Variants in RFX3 observed in about 807,000 individuals in gnomAD.
RFX3 encodes transcription factor RFX3.
A neutral mutation model predicts 98.6 loss-of-function variants in RFX3; 14 were observed. That is an observed-to-expected ratio of 0.14 (90% CI 0.09 to 0.22). The LOEUF is 0.22. Ranked by LOEUF, RFX3 falls within the 10% of genes least tolerant of loss-of-function variation. The pLI is 1.00. For missense variants in RFX3, 639 were observed against 926.9 expected (o/e 0.69, Z 4.03); for synonymous variants, 383 against 328.4 (o/e 1.17, Z -1.80).
rs1825270145 is a variant in RFX3 at position 3,276,686 on chromosome 9, TAC to T, written c.973+652_973+653del. Among the ~76,000 whole-genome samples the T allele has an allele frequency of 2.0e-5, 3 of 151,924 alleles. 1 individual carries two copies. The South Asian group carries it at 6.2e-4, about 31-fold the overall frequency. On this transcript the variant is annotated intron_variant, in intron 8 of 16. Transcript: ENST00000617270. ...ACACATATACACACACACAGACACA[TAC>T]ACACAGTCACTCTCTGATACCTTCT...
At chr9:3,329,523 A>G (rs1036207658) in intron 4 of RFX3, among the ~76,000 whole-genome samples, 1 of 151,838 alleles carries the variant, frequency 6.6e-6, no homozygotes, top group African/African-American at 2.4e-5. Flanking sequence ...GCTCATATCT[A>G]TGATCAGAGC....
At chr9:3,335,332 A>G (rs1833042967) in intron 3 of RFX3, among the ~76,000 whole-genome samples, 1 of 152,184 alleles carries the variant, frequency 6.6e-6, no homozygotes, top group East Asian at 1.9e-4. Context: ...AGAAGCACCA[A>G]CGGCAAAAAT....
chr9:3,491,388 T>C (rs1850705846), intron 1 of RFX3, among the ~76,000 whole-genome samples: 1 of 152,180 alleles, frequency 6.6e-6, no homozygotes, highest in Non-Finnish European at 1.5e-5. Flanking sequence ...CTTACTTTAC[T>C]CTCAGTATAT....
intron 1 of RFX3, among the ~76,000 whole-genome samples, chr9:3,513,842 C>A (rs1489985017): frequency 6.6e-6 from 1 of 152,170 alleles, no homozygotes; most frequent in East Asian, 1.9e-4. Flanking sequence ...CACCTTACTT[C>A]CAAGACATAT....
chr9:3,257,279 A>C, intron 13 of RFX3, 80 bp from the exon 14 acceptor site: 1 of 1,114,858 alleles, frequency 9.0e-7, no homozygotes, highest in South Asian at 1.4e-5. Flanking sequence ...CACTAGATGC[A>C]AGAACAGAAA....
At chr9:3,388,075 A>T (rs1839912054) in intron 2 of RFX3, among the ~76,000 whole-genome samples, 1 of 152,134 alleles carries the variant, frequency 6.6e-6, no homozygotes, top group African/African-American at 2.4e-5. Flanking sequence ...ATGACAATAA[A>T]CTTTATCATC....
At chr9:3,323,131 A>G (rs961037589) in intron 4 of RFX3, among the ~76,000 whole-genome samples, 6 of 152,230 alleles carry the variant, frequency 3.9e-5, no homozygotes, top group African/African-American at 1.4e-4. Context: ...GTGGCAAATA[A>G]AGACAACAAC....
chr9:3,279,555 A>C (rs1318110555), intron 7 of RFX3, among the ~76,000 whole-genome samples: 5 of 151,854 alleles, frequency 3.3e-5, no homozygotes, highest in Admixed American at 2.6e-4. Context: ...AGCATTTAAC[A>C]TACTACAGGT....
chr9:3,454,494 A>C (rs1467939608), intron 1 of RFX3, among the ~76,000 whole-genome samples: 4 of 152,200 alleles, frequency 2.6e-5, no homozygotes, highest in Non-Finnish European at 5.9e-5. Context: ...AACTCACTTA[A>C]AATCACATCA....
chr9:3,469,353 C>T (rs548759835), intron 1 of RFX3, among the ~76,000 whole-genome samples: 6 of 152,168 alleles, frequency 3.9e-5, no homozygotes, highest in East Asian at 3.9e-4. Flanking sequence ...AGAAATACTT[C>T]GTTCTGAATT....
At chr9:3,403,628 T>C (rs2132060014) in intron 1 of RFX3, among the ~76,000 whole-genome samples, 1 of 152,278 alleles carries the variant, frequency 6.6e-6, no homozygotes, top group East Asian at 1.9e-4. Context: ...TGAAAAACTA[T>C]TACTTAAAGA....
intron 1 of RFX3, among the ~76,000 whole-genome samples, chr9:3,440,438 ACTT>A (rs1564103783): frequency 6.6e-6 from 1 of 152,120 alleles, no homozygotes; most frequent in Non-Finnish European, 1.5e-5. Context: ...TATATCATCT[ACTT>A]ACTAGTTATT....
At chr9:3,321,555 T>C (rs969877850) in intron 4 of RFX3, among the ~76,000 whole-genome samples, 2 of 152,206 alleles carry the variant, frequency 1.3e-5, no homozygotes, top group Admixed American at 6.5e-5. Flanking sequence ...GTTTTTGTTA[T>C]TTTTTCTGAT....
intron 5 of RFX3, among the ~76,000 whole-genome samples, chr9:3,298,189 T>C (rs1828222570): frequency 6.6e-6 from 1 of 151,800 alleles, no homozygotes; most frequent in South Asian, 2.1e-4. Context: ...AAAGTCACTC[T>C]TGGCAAGATC....
intron 4 of RFX3, among the ~76,000 whole-genome samples, chr9:3,311,053 C>A (rs577970243): frequency 1.4e-4 from 22 of 152,070 alleles, no homozygotes; most frequent in Admixed American, 2.0e-4. Flanking sequence ...AAACAGTTAC[C>A]TAATGTATAA....
At chr9:3,432,266 T>C (rs1844720746) in intron 1 of RFX3, among the ~76,000 whole-genome samples, 1 of 152,144 alleles carries the variant, frequency 6.6e-6, no homozygotes, top group Non-Finnish European at 1.5e-5. Context: ...GGCATCAAAC[T>C]GATCTACTTG....
At chr9:3,369,966 C>A (rs1287304757) in intron 2 of RFX3, among the ~76,000 whole-genome samples, 3 of 149,864 alleles carry the variant, frequency 2.0e-5, no homozygotes, top group Admixed American at 6.6e-5. Flanking sequence ...GTAGCTGGGA[C>A]TACAGGCGCC....
In RFX3 at chr9:3,346,761, G is replaced by T; in HGVS notation, c.121C>A (p.Gln41Lys). 6.2e-7 allele frequency: 1 copy of T among 1,610,550 alleles called. No individual in the cohort carries two copies. Among genetic ancestry groups the T allele is most frequent in the Non-Finnish European group, 8.5e-7 (1 of 1,176,846 alleles). ...VQQVPVQQQV[Q>K]QVQTVQQVQH... ...ACCTGCTGCACAGTCTGTACCTGCT[G>T]TACCTGAAAAACAAGTATTAGGACC... Residue 41 changes from glutamine (Q) to lysine (K), a missense_variant, in exon 3 of 17, where the codon CAG becomes AAG. By Grantham distance (53) the Gln-to-Lys change is moderately conservative. Transcript: ENST00000617270.
At chr9:3,242,085 C>G (rs1029445075) in intron 15 of RFX3, among the ~76,000 whole-genome samples, 4 of 152,116 alleles carry the variant, frequency 2.6e-5, no homozygotes, top group Non-Finnish European at 4.4e-5. Flanking sequence ...ATAGATTAAG[C>G]CCATCCCATT....
Sources: allele counts gnomAD v4.1 joint callset (sites outside exome capture counted in the v4.1 genomes callset), GRCh38; gene constraint gnomAD v4.1.1; transcripts MANE v1.5; gene names NCBI Gene and HGNC (gene_info 2026-07-23, HGNC 2026-07-21).